Variants in MAP2K3 observed in about 807,000 individuals in gnomAD.
The protein encoded by MAP2K3 is mitogen-activated protein kinase kinase 3.
In MAP2K3, 30 loss-of-function variants were observed where a neutral mutation model predicts 46.4. The observed-to-expected ratio is 0.65, with a 90% CI of 0.48 to 0.88. The LOEUF (loss-of-function observed/expected upper bound fraction) is 0.88, where lower values mean the gene tolerates loss of function less well. MAP2K3 is among the 40% of genes least tolerant of loss of function. The probability of loss-of-function intolerance (pLI) is 0.00; values close to 1 mark genes in which losing one functional copy is unlikely to be tolerated. For synonymous variants in MAP2K3, 189 were observed against 176.3 expected (o/e 1.07, Z -0.57); for missense variants, 380 against 464.5 (o/e 0.82, Z 1.67).
In MAP2K3 at chr17:21,314,460, C is replaced by T; in HGVS notation, c.*230C>T. ...TTGTCGGCCCCACCAGTGCCTCTCC[C>T]TGCTGCTCCTAGGACCCGTCTCCAG... is the stretch of plus-strand genomic sequence containing the variant. On this transcript the variant is annotated 3_prime_UTR_variant, in exon 12 of 12. Coordinates refer to ENST00000342679, the MANE Select transcript of MAP2K3 (RefSeq NM_145109.3). 1 of 564,082 alleles carries T rather than the reference C, an allele frequency of 1.8e-6. No individual in the cohort carries two copies. Among genetic ancestry groups the T allele is most frequent in the Non-Finnish European group, 3.2e-6 (1 of 313,420 alleles). The allele number at this position is 564,082 out of a possible 1,614,324, so 34.9% of individuals were successfully genotyped here. A position where few individuals can be genotyped will look rare whatever the true frequency, so the allele number is the denominator to read the frequency against.
At chr17:21,296,286 C>A in intron 1 of MAP2K3, 2 of 990,632 alleles carry the variant, frequency 2.0e-6, no homozygotes, top group Non-Finnish European at 2.8e-6. Flanking sequence ...ATGCCAGGGT[C>A]GCAGAGCTGG....
At chr17:21,300,120 C>A (rs1172422329) in intron 3 of MAP2K3, among the ~76,000 whole-genome samples, 1 of 152,308 alleles carries the variant, frequency 6.6e-6, no homozygotes, top group African/African-American at 2.4e-5. Flanking sequence ...GAGAGGGAAA[C>A]ATCTGTGAAG....
intron 9 of MAP2K3, among the ~76,000 whole-genome samples, chr17:21,311,062 C>T (rs1314929670): frequency 6.6e-6 from 1 of 152,152 alleles, no homozygotes; most frequent in Non-Finnish European, 1.5e-5. Flanking sequence ...CACACATGCA[C>T]ACACACGCAG....
intron 1 of MAP2K3, among the ~76,000 whole-genome samples, chr17:21,292,571 C>G (rs80143720): frequency 7.0e-6 from 1 of 143,366 alleles, no homozygotes; most frequent in Non-Finnish European, 1.5e-5. Context: ...TGTCATGTTG[C>G]CCAGGCTAGT....
At chr17:21,287,121 C>T (rs911807263) in intron 1 of MAP2K3, among the ~76,000 whole-genome samples, 2 of 152,242 alleles carry the variant, frequency 1.3e-5, no homozygotes, top group African/African-American at 4.8e-5. Context: ...CCCCTATGTG[C>T]CCCTCCCATG....
At chr17:21,299,766 T>G (rs1030767710) in intron 3 of MAP2K3, among the ~76,000 whole-genome samples, 11 of 152,238 alleles carry the variant, frequency 7.2e-5, no homozygotes, top group South Asian at 2.1e-4. Flanking sequence ...GTAGATCACC[T>G]GAGGTCAGGA....
chr17:21,296,333 T>A, intron 1 of MAP2K3: 1 of 542,012 alleles, frequency 1.8e-6, no homozygotes, highest in Non-Finnish European at 3.0e-6. Flanking sequence ...GCCCAGAGCC[T>A]CAGAAGTTCA....
chr17:21,307,038 G>A (rs1164254446), intron 9 of MAP2K3, among the ~76,000 whole-genome samples: 1 of 152,306 alleles, frequency 6.6e-6, no homozygotes, highest in African/African-American at 2.4e-5. Context: ...TGCCTACCTC[G>A]GCCTCCCAAA....
chr17:21,294,167 G>A (rs1976106359), intron 1 of MAP2K3, among the ~76,000 whole-genome samples: 1 of 152,306 alleles, frequency 6.6e-6, no homozygotes, highest in Non-Finnish European at 1.5e-5. Context: ...TCCCTCTGAG[G>A]GACCCTGGGG....
At chr17:21,294,106 C>T (rs1976102416) in intron 1 of MAP2K3, among the ~76,000 whole-genome samples, 1 of 152,312 alleles carries the variant, frequency 6.6e-6, no homozygotes, top group Non-Finnish European at 1.5e-5. Context: ...GTGCCCACTT[C>T]TCGGGGCCTC....
chr17:21,312,105 TGG>T (rs1977189315), intron 9 of MAP2K3, 35 bp from the exon 10 acceptor site: 1 of 1,488,384 alleles, frequency 6.7e-7, no homozygotes, highest in South Asian at 1.4e-5. Context: ...TGGTTGTATC[TGG>T]GGCCGGGGCC....
chr17:21,292,675 C>T (rs1976009093), intron 1 of MAP2K3, among the ~76,000 whole-genome samples: 1 of 152,306 alleles, frequency 6.6e-6, no homozygotes, highest in African/African-American at 2.4e-5. Flanking sequence ...TTAGTAGAGA[C>T]AGGGTTTCAC....
At chr17:21,293,474 G>A (rs1451196911) in intron 1 of MAP2K3, among the ~76,000 whole-genome samples, 3 of 152,306 alleles carry the variant, frequency 2.0e-5, no homozygotes, top group Non-Finnish European at 4.4e-5. Context: ...CCCCTGTGCA[G>A]CTGAGCATCT....
At chr17:21,295,938 G>A (rs1256585293) in intron 1 of MAP2K3, 3 of 1,244,066 alleles carry the variant, frequency 2.4e-6, no homozygotes, top group African/African-American at 1.5e-5. Context: ...AGGGGCTGGG[G>A]GCAAGGTCAA....
chr17:21,290,305 G>C (rs1975851342), intron 1 of MAP2K3, among the ~76,000 whole-genome samples: 1 of 152,200 alleles, frequency 6.6e-6, no homozygotes, highest in Admixed American at 6.5e-5. Context: ...GACGGCTCTG[G>C]GTATGGGGAT....
chr17:21,310,856 T>C (rs1490951343), intron 9 of MAP2K3, among the ~76,000 whole-genome samples: 1 of 152,272 alleles, frequency 6.6e-6, no homozygotes, highest in Non-Finnish European at 1.5e-5. Flanking sequence ...TTTTCATTTT[T>C]TGAGCTCTTT....
At chr17:21,292,133 CTG>C (rs568659001) in intron 1 of MAP2K3, among the ~76,000 whole-genome samples, 153 of 152,344 alleles carry the variant, frequency 1.0e-3, no homozygotes, top group African/African-American at 3.4e-3. Flanking sequence ...TGGACAGTCT[CTG>C]GGGCACCCTC....
At chr17:21,287,670 G>T (rs936040796) in intron 1 of MAP2K3, among the ~76,000 whole-genome samples, 2 of 152,250 alleles carry the variant, frequency 1.3e-5, no homozygotes, top group African/African-American at 2.4e-5. Flanking sequence ...AGTGGCTGGC[G>T]CTGGGGCCAG....
At chr17:21,287,974 C>A in intron 1 of MAP2K3, 1 of 1,242,162 alleles carries the variant, frequency 8.1e-7, no homozygotes, top group Non-Finnish European at 1.1e-6. Flanking sequence ...TTCCCCCACC[C>A]CTCTTGTGAC....
Sources: allele counts gnomAD v4.1 joint callset (sites outside exome capture counted in the v4.1 genomes callset), GRCh38; gene constraint gnomAD v4.1.1; transcripts MANE v1.5; gene names NCBI Gene and HGNC (gene_info 2026-07-23, HGNC 2026-07-21).